SLC16A3: variants seen among roughly 807,000 people sequenced by gnomAD.
The protein encoded by SLC16A3 is monocarboxylate transporter 4.
In SLC16A3, 22 loss-of-function variants were observed where a neutral mutation model predicts 25.0. The ratio of observed to expected loss-of-function variants is 0.88; its 90% CI spans 0.63 to 1.26. The LOEUF is 1.26. SLC16A3 is among the 50% of genes most tolerant of loss of function. The probability of loss-of-function intolerance (pLI) is 0.00; values close to 1 mark genes in which losing one functional copy is unlikely to be tolerated. For missense variants in SLC16A3, 731 were observed against 666.6 expected (o/e 1.10, Z -1.06); for synonymous variants, 390 against 309.2 (o/e 1.26, Z -2.74).
upstream of SLC16A3, among the ~76,000 whole-genome samples, chr17:82,227,536 T>C (rs560632984): frequency 6.6e-6 from 1 of 151,212 alleles, no homozygotes; most frequent in African/African-American, 2.5e-5. Context: ...CTCTCCCTCC[T>C]CAGAAACTGA....
upstream of SLC16A3, among the ~76,000 whole-genome samples, chr17:82,227,748 C>T (rs1399016147): frequency 1.3e-5 from 2 of 152,104 alleles, no homozygotes; most frequent in African/African-American, 4.8e-5. Context: ...CCACTTGCCA[C>T]AGGCCTGTGT....
rs1217185085 is a variant in SLC16A3, at chr17:82,221,606, A to AAC, written c.-27+3423_-27+3424insCA. Among the ~76,000 whole-genome samples, 8 of 133,366 alleles carry AAC rather than the reference A, an allele frequency of 6.0e-5. No homozygotes were observed. In the East Asian group the frequency reaches 7.1e-4, roughly 12 times the overall value. 87.5% of individuals were successfully genotyped at this position (133,366 alleles called of 152,430 possible). A position where few individuals can be genotyped will look rare whatever the true frequency, so the allele number is the denominator to read the frequency against. ...GAATGAAACTAAACAACAACAACAA[A>AAC]AAAGACAACCCAATACCAAAGAAGA... On this transcript the variant is annotated intron_variant, in intron 1 of 4. Transcript: ENST00000580098.
chr17:82,222,968 C>G (rs1458582429), intron 1 of SLC16A3, among the ~76,000 whole-genome samples: 1 of 152,004 alleles, frequency 6.6e-6, no homozygotes, highest in Non-Finnish European at 1.5e-5. Flanking sequence ...CAGACACAGA[C>G]AGCAGATGGG....
intron 1 of SLC16A3, chr17:82,233,598 C>G (rs562417757): frequency 6.6e-6 from 1 of 152,396 alleles, no homozygotes; most frequent in East Asian, 1.9e-4. Flanking sequence ...CAGGGAGACT[C>G]AGAGGCCTTG....
chr17:82,237,569 C>T lies in SLC16A3; in HGVS notation c.799C>T (p.Leu267Phe), dbSNP rs1282991714. Reference sequence around the variant, plus strand: ...GCCCGACACCAAGGCCGCCTTCCTGCTCACCATCCTGGGCTTCATTGACAT... The same window carrying T: ...GCCCGACACCAAGGCCGCCTTCCTGTTCACCATCCTGGGCTTCATTGACAT... ...GVPDTKAAFL[L>F]TILGFIDIFA... Residue 267 changes from leucine to phenylalanine, a missense_variant, in exon 4 of 5, where the codon CTC (leucine) becomes TTC (phenylalanine). Physicochemically the swap from Leu to Phe is conservative, Grantham distance 22. Coordinates refer to ENST00000582743, the MANE Select transcript of SLC16A3 (RefSeq NM_004207.4). The T allele has an allele frequency of 6.2e-7, 1 of 1,611,730 alleles. No individual in the cohort carries two copies. Among genetic ancestry groups the T allele is most frequent in the Non-Finnish European group, 8.5e-7 (1 of 1,179,094 alleles).
At position 82,236,305 on chromosome 17, in the gene SLC16A3, C is replaced by T. The variant is rs1228610533; in HGVS notation, c.223+74C>T. 10 of 1,394,566 alleles carry T rather than the reference C, an allele frequency of 7.2e-6. No homozygotes were observed. The Admixed American group carries it at 8.7e-5, about 12-fold the overall frequency. 86.4% of individuals were successfully genotyped at this position (1,394,566 alleles called of 1,614,324 possible). On this transcript the variant is annotated intron_variant, in intron 2 of 4. Transcript: ENST00000582743. ...ATCCTGCTGGGCGCGTGTAGCTGGG[C>T]TCAGCAACAGGGCCTTCCGCCTGCT...
At chr17:82,224,181 T>C (rs1263429095), upstream of SLC16A3, among the ~76,000 whole-genome samples, 75 of 37,060 alleles carry the variant, frequency 2.0e-3, no homozygotes, top group South Asian at 3.5e-3. Flanking sequence ...GACACACCCC[T>C]ACACCCGTGC....
chr17:82,229,757 TC>T (rs1355820497), intron 1 of SLC16A3: 2 of 152,242 alleles, frequency 1.3e-5, no homozygotes, highest in Non-Finnish European at 2.9e-5. Context: ...GCCTCCCACT[TC>T]CTAACCCACG....
At position 82,238,969 on chromosome 17, in the gene SLC16A3, GTGTC is replaced by G; in HGVS notation, c.1394_1397del (p.Val465GlufsTer50). 6.6e-7 allele frequency: 1 copy of G among 1,525,430 alleles called. No individual in the cohort carries two copies. 94.5% of individuals were successfully genotyped at this position (1,525,430 alleles called of 1,614,324 possible). A position where few individuals can be genotyped will look rare whatever the true frequency, so the allele number is the denominator to read the frequency against. ...GAGGTGGTTCACACCCCGGAAACAA[GTGTC>G]TGAGTGGCTGGGCGGGGCCGGCAGG... On this transcript the variant is annotated frameshift_variant, in exon 5 of 5. Transcript: ENST00000582743. LOFTEE classifies it high-confidence loss of function.
In SLC16A3 at chr17:82,239,028, G is replaced by C. The variant is rs914265273; in HGVS notation, c.*52G>C. The C allele has an allele frequency of 2.0e-6, 3 of 1,473,426 alleles. No individual in the cohort carries two copies. Among genetic ancestry groups the C allele is most frequent in the Non-Finnish European group, 2.7e-6 (3 of 1,107,014 alleles). The allele number at this position is 1,473,426 out of a possible 1,614,324, so 91.3% of individuals were successfully genotyped here. A position where few individuals can be genotyped will look rare whatever the true frequency, so the allele number is the denominator to read the frequency against. On this transcript the variant is annotated 3_prime_UTR_variant, in exon 5 of 5. Transcript: ENST00000582743. ...GGGAGGAGGTACAGAAGCCGGCAAC[G>C]CTTGCTATTTATTTTACAAACTGGA...
Position 82,235,972 on chromosome 17 carries a change from TTCTC to T in SLC16A3, c.-26-6_-26-3del, listed in dbSNP as rs764954257. The T allele has an allele frequency of 6.4e-7, 1 of 1,565,418 alleles. No homozygotes were observed. The highest frequency in any genetic ancestry group is 8.7e-7 in the Non-Finnish European group (1 of 1,147,970). ...CCCGGGCAGCCTGAGTCAGCCTGCTTTCTCTCTCAGGTGAGGCGGAACCAACCCT... is the reference window on the plus strand; with the variant it reads ...CCCGGGCAGCCTGAGTCAGCCTGCTTTCTCAGGTGAGGCGGAACCAACCCT... On this transcript the variant is annotated splice_polypyrimidine_tract_variant and splice_region_variant and intron_variant, in intron 1 of 4. Transcript: ENST00000582743.
At chr17:82,225,747 T>C (rs1326770201), upstream of SLC16A3, among the ~76,000 whole-genome samples, 1 of 152,176 alleles carries the variant, frequency 6.6e-6, no homozygotes, top group Non-Finnish European at 1.5e-5. Context: ...TGCTGGGATC[T>C]GGAAAATGGT....
In SLC16A3 at chr17:82,237,711, C is replaced by G. The variant is rs144275847; in HGVS notation, c.941C>G (p.Thr314Arg). 1.9e-6 allele frequency: 3 copies of G among 1,612,078 alleles called. No individual in the cohort carries two copies. The highest frequency in any genetic ancestry group is 2.2e-5 in the South Asian group (2 of 91,076). ...FNGLADLAGSTAGDYGGLVVF... is the reference protein window; with the variant it reads ...FNGLADLAGSRAGDYGGLVVF... ...GGCCTCGCGGACCTGGCGGGTTCTA[C>G]GGCGGGCGACTACGGCGGCCTCGTG... Residue 314 changes from threonine (T) to arginine (R), a missense_variant, in exon 4 of 5, where the codon ACG (threonine) becomes AGG (arginine). Thr to Arg is a moderately conservative substitution (Grantham distance 71). Transcript: ENST00000582743.
Position 82,236,884 on chromosome 17 carries a change from C to T in SLC16A3, c.367+12C>T, listed in dbSNP as rs530852904. 71 of 1,603,270 alleles carry T rather than the reference C, an allele frequency of 4.4e-5. No homozygotes were observed. The East Asian group carries it at 9.4e-4, about 21-fold the overall frequency. On this transcript the variant is annotated intron_variant, in intron 3 of 4. Transcript: ENST00000582743. ...TGGGGTCATCACGGGTGAGTGGGGC[C>T]GGCCGGTGGGCCGCACGTGCCAGGA...
chr17:82,238,609 C>CGT, intron 4 of SLC16A3, 93 bp from the exon 5 acceptor site: 1 of 1,305,572 alleles, frequency 7.7e-7, no homozygotes, highest in Non-Finnish European at 1.0e-6. Context: ...GTGACCCTTG[C>CGT]GTGCTGAGAC....
intron 1 of SLC16A3, among the ~76,000 whole-genome samples, chr17:82,232,839 C>T (rs2147120018): frequency 6.6e-6 from 1 of 151,760 alleles, no homozygotes; most frequent in East Asian, 2.0e-4. Context: ...CTCCGGGCAG[C>T]CCCCACCTGG....
At chr17:82,238,573 G>A (rs943703631) in intron 4 of SLC16A3, 129 bp from the exon 5 acceptor site, 1 of 925,012 alleles carries the variant, frequency 1.1e-6, no homozygotes, top group Admixed American at 3.1e-5. Flanking sequence ...ACACCTCCCA[G>A]CCCCACAAGC....
intron 3 of SLC16A3, 38 bp downstream of exon 3, chr17:82,236,910 G>C (rs1353065780): frequency 5.0e-6 from 8 of 1,597,222 alleles, no homozygotes; most frequent in Non-Finnish European, 6.8e-6. Flanking sequence ...CGTGCCAGGA[G>C]GGGCAGGGGC....
chr17:82,236,685 A>T (rs201523090), intron 2 of SLC16A3, 44 bp from the exon 3 acceptor site: 1 of 1,583,712 alleles, frequency 6.3e-7, no homozygotes, highest in African/African-American at 1.3e-5. Context: ...GCGGGGGTAG[A>T]GCTGGCTGCA....
Sources: allele counts gnomAD v4.1 joint callset (sites outside exome capture counted in the v4.1 genomes callset), GRCh38; gene constraint gnomAD v4.1.1; transcripts MANE v1.5; gene names NCBI Gene and HGNC (gene_info 2026-07-23, HGNC 2026-07-21).